STAM: variants seen among roughly 807,000 people sequenced by gnomAD.
STAM encodes the protein signal transducing adaptor molecule, also known as signal transducing adapter molecule 1.
A neutral mutation model predicts 63.4 loss-of-function variants in STAM; 16 were observed. That is an observed-to-expected ratio of 0.25 (90% CI 0.17 to 0.38). STAM has a LOEUF of 0.38. Ranked by LOEUF, STAM falls within the 10% of genes least tolerant of loss-of-function variation. STAM has a pLI of 1.00. For synonymous variants in STAM, 238 were observed against 223.9 expected (o/e 1.06, Z -0.56); for missense variants, 636 against 657.1 (o/e 0.97, Z 0.35).
At chr10:17,693,386 T>C in intron 6 of STAM, 74 bp downstream of exon 6, 1 of 1,259,214 alleles carries the variant, frequency 7.9e-7, no homozygotes, top group East Asian at 2.4e-5. Flanking sequence ...AAAGGTAAAA[T>C]AAATAGAACT....
chr10:17,714,404 G>A, intron 13 of STAM, 139 bp from the exon 14 acceptor site: 1 of 779,392 alleles, frequency 1.3e-6, no homozygotes. Context: ...ACAATGTTTG[G>A]CACATTATAG....
At position 17,715,388 on chromosome 10, in the gene STAM, GATATAT is replaced by G. The variant is rs72446968; in HGVS notation, c.*617_*622del. 3.2e-5 allele frequency: 5 copies of G among 156,024 alleles called. No individual in the cohort carries two copies. Among genetic ancestry groups the G allele is most frequent in the Admixed American group, 2.4e-4 (4 of 16,454 alleles). The allele number at this position is 156,024 out of a possible 1,614,324, so 9.7% of individuals were successfully genotyped here. A position where few individuals can be genotyped will look rare whatever the true frequency, so the allele number is the denominator to read the frequency against. On this transcript the variant is annotated 3_prime_UTR_variant, in exon 14 of 14. Transcript: ENST00000377524. The stretch of plus-strand genomic sequence containing the variant: ...CCTTTTACTAATTGTGAGCTAAAGA[GATATAT>G]ATATATATGTGTGTGTATATATATA...
At chr10:17,657,087 G>A (rs1833969737) in intron 1 of STAM, among the ~76,000 whole-genome samples, 2 of 152,128 alleles carry the variant, frequency 1.3e-5, no homozygotes, top group Non-Finnish European at 2.9e-5. Flanking sequence ...CCCCAGGAAG[G>A]TCGTATACTG....
intron 13 of STAM, among the ~76,000 whole-genome samples, chr10:17,714,318 C>CCT (rs1554830431): frequency 6.6e-6 from 1 of 152,150 alleles, no homozygotes; most frequent in Non-Finnish European, 1.5e-5. Context: ...AACCACCCCC[C>CCT]CCAACTTTTT....
intron 2 of STAM, among the ~76,000 whole-genome samples, chr10:17,682,074 G>T (rs1157489540): frequency 6.6e-6 from 1 of 152,148 alleles, no homozygotes; most frequent in East Asian, 1.9e-4. Context: ...TGGTTTGATA[G>T]TTTGATGAGT....
At chr10:17,661,303 T>A (rs1355695992) in intron 2 of STAM, among the ~76,000 whole-genome samples, 1 of 152,200 alleles carries the variant, frequency 6.6e-6, no homozygotes, top group Non-Finnish European at 1.5e-5. Context: ...GTGAAAAAGA[T>A]TAGGAAGCAC....
At chr10:17,704,619 C>A in intron 10 of STAM, 101 bp downstream of exon 10, 2 of 1,010,244 alleles carry the variant, frequency 2.0e-6, no homozygotes, top group Non-Finnish European at 3.0e-6. Context: ...AAAAATGGAA[C>A]ATTTCTCACT....
intron 2 of STAM, 42 bp downstream of exon 2, chr10:17,660,590 TA>T (rs1564533070): frequency 6.6e-7 from 1 of 1,517,480 alleles, no homozygotes; most frequent in East Asian, 2.3e-5. Context: ...TCTTTCTTTT[TA>T]AAAAACACGA....
chr10:17,700,217 T>C lies in STAM; in HGVS notation c.850T>C (p.Phe284Leu). The change falls in exon 9 of 14, where the codon TTT becomes CTT. Residue 284 changes from phenylalanine to leucine, a missense_variant. This residue lies in a region of STAM where 532 missense variants were observed against 536.9 expected (regional missense o/e 0.99). Coordinates refer to ENST00000377524, the MANE Select transcript of STAM (RefSeq NM_003473.4). ...MIKTEKKTVQ[F>L]SDDVQVETIE... ...TAAAACAGAGAAGAAGACGGTACAA[T>C]TTAGTGATGATGTTCAGGTAGAGAC... 1 of 1,610,078 alleles carries C rather than the reference T, an allele frequency of 6.2e-7. No individual in the cohort carries two copies. The highest frequency in any genetic ancestry group is 8.5e-7 in the Non-Finnish European group (1 of 1,178,204).
intron 5 of STAM, among the ~76,000 whole-genome samples, chr10:17,689,370 A>T (rs782335838): frequency 6.6e-6 from 1 of 152,180 alleles, no homozygotes; most frequent in Non-Finnish European, 1.5e-5. Flanking sequence ...ATCCAGACCT[A>T]CATGTGCTTT....
At chr10:17,679,637 C>G (rs782227217) in intron 2 of STAM, among the ~76,000 whole-genome samples, 1 of 151,580 alleles carries the variant, frequency 6.6e-6, no homozygotes, top group Non-Finnish European at 1.5e-5. Flanking sequence ...TAGAATTCAC[C>G]AGTGAAGCTT....
rs868919081 is a variant in STAM at position 17,708,839 on chromosome 10, C to T, written c.1273C>T (p.Leu425Phe). The change falls in exon 13 of 14, where the codon CTC becomes TTC. Residue 425 changes from leucine to phenylalanine, a missense_variant. Leu to Phe is a conservative substitution (Grantham distance 22, BLOSUM62 0). This residue lies in a region of STAM where 532 missense variants were observed against 536.9 expected (regional missense o/e 0.99). Coordinates refer to ENST00000377524, the MANE Select transcript of STAM (RefSeq NM_003473.4). ...TGCAGGGAACGCGCAGATGAGCCAC[C>T]TCCAGAGCTACAGTCTTCCCCCGGA... Reference protein sequence around the residue: ...LVAGNAQMSHLQSYSLPPEQL... With the variant: ...LVAGNAQMSHFQSYSLPPEQL... 6.2e-7 allele frequency: 1 copy of T among 1,614,162 alleles called. No individual in the cohort carries two copies. Among genetic ancestry groups the T allele is most frequent in the South Asian group, 1.1e-5 (1 of 91,076 alleles).
intron 1 of STAM, among the ~76,000 whole-genome samples, chr10:17,647,612 T>C (rs78405687): frequency 0.034 from 5,144 of 152,194 alleles, 102 homozygotes; most frequent in Middle Eastern, 0.11. Context: ...TTACCGGTAG[T>C]GTGATTTTTG....
chr10:17,656,033 G>A (rs781797154), intron 1 of STAM, among the ~76,000 whole-genome samples: 3 of 150,996 alleles, frequency 2.0e-5, no homozygotes, highest in South Asian at 2.1e-4. Flanking sequence ...GTTTCCTCAC[G>A]CCTGCAATCC....
chr10:17,660,650 A>G, intron 2 of STAM, 102 bp downstream of exon 2: 1 of 785,378 alleles, frequency 1.3e-6, no homozygotes, highest in East Asian at 2.8e-5. Flanking sequence ...CCTCGGTAGG[A>G]TGAGGTGGGA....
At position 17,660,481 on chromosome 10, in the gene STAM, A is replaced by T; in HGVS notation, c.58A>T (p.Met20Leu). ...DQDVEKATSE[M>L]NTAEDWGLIL... ...ATCTACAGAGAAAGCAACCAGCGAG[A>T]TGAATACTGCTGAGGACTGGGGCCT... Residue 20 changes from methionine (M) to leucine (L), a missense_variant, in exon 2 of 14, where the codon ATG (methionine) becomes TTG (leucine). Met to Leu is a conservative substitution (Grantham distance 15). Coordinates refer to ENST00000377524, the MANE Select transcript of STAM (RefSeq NM_003473.4). 1 of 1,601,070 alleles carries T rather than the reference A, an allele frequency of 6.2e-7. No individual in the cohort carries two copies. Among genetic ancestry groups the T allele is most frequent in the Non-Finnish European group, 8.5e-7 (1 of 1,173,916 alleles).
chr10:17,657,765 C>G (rs1204525363), intron 1 of STAM, among the ~76,000 whole-genome samples: 1 of 151,382 alleles, frequency 6.6e-6, no homozygotes, highest in Non-Finnish European at 1.5e-5. Flanking sequence ...CATAATATTC[C>G]TTCATTTTCT....
chr10:17,708,172 G>A (rs1554829573), intron 12 of STAM, among the ~76,000 whole-genome samples: 1 of 152,194 alleles, frequency 6.6e-6, no homozygotes, highest in African/African-American at 2.4e-5. Flanking sequence ...TTACAGGCAT[G>A]AGCCACCATG....
chr10:17,695,045 C>G lies in STAM; in HGVS notation c.536-4C>G, dbSNP rs782057862. The G allele has an allele frequency of 6.2e-7, 1 of 1,611,468 alleles. No individual in the cohort carries two copies. Among genetic ancestry groups the G allele is most frequent in the East Asian group, 2.2e-5 (1 of 44,824 alleles). ...TGGGTCTTTAAAAACTCATTGTTTT[C>G]TAGCCATTGAGTTGTCTCTCAAGGA... is the stretch of plus-strand genomic sequence containing the variant. On this transcript the variant is annotated splice_polypyrimidine_tract_variant and splice_region_variant and intron_variant, in intron 6 of 13. Transcript: ENST00000377524.
Sources: gnomAD v4.1 joint callset for allele counts (sites outside exome capture counted in the v4.1 genomes callset) on GRCh38, gnomAD v4.1.1 for gene constraint, gnomAD v4.1.1 regional missense constraint, MANE v1.5 for transcripts, NCBI Gene and HGNC (gene_info 2026-07-23, HGNC 2026-07-21) for gene names.